Variants in DOCK5 observed in about 807,000 individuals in gnomAD.
DOCK5 encodes the protein dedicator of cytokinesis 5, also known as dedicator of cytokinesis protein 5.
Under a neutral mutation model 251.8 loss-of-function variants are expected in DOCK5, and 142 were observed. That is an observed-to-expected ratio of 0.56 (90% CI 0.49 to 0.65). The LOEUF (loss-of-function observed/expected upper bound fraction) is 0.65. DOCK5 is among the 30% of genes least tolerant of loss of function. The pLI is 0.00. For synonymous variants in DOCK5, 842 were observed against 835.5 expected, an observed-to-expected ratio of 1.01 and a Z score of -0.13; for missense variants, 2,111 against 2,312.3, an observed-to-expected ratio of 0.91 and a Z score of 1.79.
intron 11 of DOCK5, 110 bp downstream of exon 11, chr8:25,304,437 T>G: frequency 1.1e-6 from 1 of 939,388 alleles, no homozygotes; most frequent in East Asian, 2.9e-5. Flanking sequence ...GAAGGAAAGA[T>G]TCTAAGCTGC....
At chr8:25,203,997 T>C (rs1181184632) in intron 1 of DOCK5, among the ~76,000 whole-genome samples, 2 of 152,230 alleles carry the variant, frequency 1.3e-5, no homozygotes, top group Admixed American at 6.5e-5. Flanking sequence ...TAGATGTCTT[T>C]ATCTTCTTGC....
intron 1 of DOCK5, among the ~76,000 whole-genome samples, chr8:25,192,338 A>C (rs2117443006): frequency 6.6e-6 from 1 of 152,306 alleles, no homozygotes; most frequent in Non-Finnish European, 1.5e-5. Context: ...TACCTGAGGA[A>C]TCGCCACACT....
chr8:25,308,470 A>T (rs566918594), intron 11 of DOCK5, among the ~76,000 whole-genome samples: 2 of 152,140 alleles, frequency 1.3e-5, no homozygotes, highest in African/African-American at 4.8e-5. Flanking sequence ...TCTGTCTTCA[A>T]TTCTATTGCA....
intron 17 of DOCK5, 84 bp from the exon 18 acceptor site, chr8:25,325,280 T>C: frequency 1.4e-6 from 2 of 1,433,846 alleles, no homozygotes; most frequent in East Asian, 2.3e-5. Context: ...CTTCTCATGC[T>C]GAAAATGCAT....
At position 25,340,925 on chromosome 8, in the gene DOCK5, C is replaced by G; in HGVS notation, c.2376C>G (p.Arg792=). The change falls in exon 23 of 52, where the codon CGC becomes CGG. Residue 792 remains arginine (R), a synonymous_variant. Coordinates refer to ENST00000276440, the MANE Select transcript of DOCK5 (RefSeq NM_024940.8). ...GAGATGAGTTTAATAATTCAATTCG[C>G]CAGTTATTTCTTGCTTTCAATATGC... ...KDGDEFNNSI[R]QLFLAFNMLM... is the part of the protein sequence containing the mutation. The G allele has an allele frequency of 6.2e-7, 1 of 1,613,588 alleles. No homozygotes were observed. Among genetic ancestry groups the G allele is most frequent in the Non-Finnish European group, 8.5e-7 (1 of 1,179,764 alleles).
chr8:25,278,895 A>G (rs1331082992), intron 5 of DOCK5, among the ~76,000 whole-genome samples: 1 of 152,216 alleles, frequency 6.6e-6, no homozygotes, highest in Non-Finnish European at 1.5e-5. Flanking sequence ...TTCTCAAATG[A>G]TAAACATGCT....
rs1262556374 is a variant in DOCK5 at position 25,323,908 on chromosome 8, G to A, written c.1676G>A (p.Gly559Asp). 6.2e-7 allele frequency: 1 copy of A among 1,613,310 alleles called. No homozygotes were observed. Among genetic ancestry groups the A allele is most frequent in the Non-Finnish European group, 8.5e-7 (1 of 1,179,624 alleles). The change falls in exon 17 of 52, where the codon GGC (glycine) becomes GAC (aspartate). Residue 559 changes from glycine (G) to aspartate (D), a missense_variant. Physicochemically the swap from Gly to Asp is moderately conservative, Grantham distance 94. Coordinates refer to ENST00000276440, the MANE Select transcript of DOCK5 (RefSeq NM_024940.8). ...TTCGTGAAGCTGATGAACCCGGATGGCACCACTCTGCAGGATGGGAGGCAC... is the reference window on the plus strand; with the variant it reads ...TTCGTGAAGCTGATGAACCCGGATGACACCACTCTGCAGGATGGGAGGCAC... ...VAFVKLMNPD[G>D]TTLQDGRHDL... is the part of the protein sequence containing the mutation.
chr8:25,272,784 A>G (rs1803943214), intron 3 of DOCK5, among the ~76,000 whole-genome samples: 1 of 152,176 alleles, frequency 6.6e-6, no homozygotes, highest in African/African-American at 2.4e-5. Flanking sequence ...TTGTTGTGCA[A>G]CCATCAACAC....
At chr8:25,377,493 A>C in intron 38 of DOCK5, 69 bp downstream of exon 38, 1 of 1,530,894 alleles carries the variant, frequency 6.5e-7, no homozygotes, top group Non-Finnish European at 8.8e-7. Flanking sequence ...TACAATTCTG[A>C]TGCTCACCAC....
intron 1 of DOCK5, among the ~76,000 whole-genome samples, chr8:25,201,064 GCCCGGC>G (rs1801869296): frequency 6.6e-6 from 1 of 152,158 alleles, no homozygotes; most frequent in Admixed American, 6.5e-5. Flanking sequence ...ATGCCACCAT[GCCCGGC>G]TAATTTTTGA....
chr8:25,284,011 A>G (rs1804270525), intron 5 of DOCK5, among the ~76,000 whole-genome samples: 1 of 152,196 alleles, frequency 6.6e-6, no homozygotes, highest in Admixed American at 6.5e-5. Flanking sequence ...CCTAGTTCTT[A>G]AGTTCTGGCT....
At chr8:25,323,775 G>C in intron 16 of DOCK5, 73 bp from the exon 17 acceptor site, 1 of 1,525,808 alleles carries the variant, frequency 6.6e-7, no homozygotes, top group Non-Finnish European at 8.9e-7. Flanking sequence ...CGAGCAAAAT[G>C]TGAAATCGTG....
chr8:25,395,858 T>G, intron 45 of DOCK5, 139 bp downstream of exon 45: 1 of 1,046,682 alleles, frequency 9.6e-7, no homozygotes, highest in Non-Finnish European at 1.4e-6. Flanking sequence ...GCAAGTGAAG[T>G]GAATGAAACG....
intron 45 of DOCK5, among the ~76,000 whole-genome samples, chr8:25,397,501 A>C (rs12675289): frequency 0.22 from 32,813 of 152,166 alleles, 4,356 homozygotes; most frequent in East Asian, 0.55. Flanking sequence ...TATTATACTC[A>C]GCAGCTGGGA....
intron 5 of DOCK5, among the ~76,000 whole-genome samples, chr8:25,289,585 A>G (rs1446927178): frequency 6.6e-5 from 10 of 151,846 alleles, no homozygotes. Flanking sequence ...GCTCACGCCT[A>G]TAATCCCAGC....
chr8:25,313,149 C>T (rs1805147008), intron 13 of DOCK5, among the ~76,000 whole-genome samples: 1 of 152,182 alleles, frequency 6.6e-6, no homozygotes, highest in Non-Finnish European at 1.5e-5. Flanking sequence ...TGTCCCATCA[C>T]CACGTGAACT....
intron 11 of DOCK5, among the ~76,000 whole-genome samples, chr8:25,307,938 T>G (rs534152085): frequency 6.6e-6 from 1 of 152,288 alleles, no homozygotes; most frequent in East Asian, 1.9e-4. Flanking sequence ...GCAAGTCCAT[T>G]TAGAGAGAAT....
At chr8:25,210,041 T>TATATATATATATA (rs1563309172) in intron 1 of DOCK5, among the ~76,000 whole-genome samples, 1 of 17,328 alleles carries the variant, frequency 5.8e-5, no homozygotes, top group African/African-American at 2.8e-4. Context: ...TATAAATGTG[T>TATATATATATATA]GTGTGTGTGT....
rs1251652590 is a variant in DOCK5, at chr8:25,411,084, TAAACTC to T, written c.5509-108_5509-103del. 4 of 1,335,400 alleles carry T rather than the reference TAAACTC, an allele frequency of 3.0e-6. No homozygotes were observed. In the African/African-American group the frequency reaches 4.7e-5, roughly 16 times the overall value. 82.7% of individuals were successfully genotyped at this position (1,335,400 alleles called of 1,614,324 possible). A position where few individuals can be genotyped will look rare whatever the true frequency, so the allele number is the denominator to read the frequency against. On this transcript the variant is annotated intron_variant, in intron 51 of 51. Coordinates refer to ENST00000276440, the MANE Select transcript of DOCK5 (RefSeq NM_024940.8). ...TTTCACTTTGCAAAGCCTGTGTAGA[TAAACTC>T]AGATCAATTAGAAGCTAAAGCAGAA...
Sources: allele counts gnomAD v4.1 joint callset (sites outside exome capture counted in the v4.1 genomes callset), GRCh38; gene constraint gnomAD v4.1.1; transcripts MANE v1.5; gene names NCBI Gene and HGNC (gene_info 2026-07-23, HGNC 2026-07-21).